SOCS5: variants seen among roughly 807,000 people sequenced by gnomAD.
SOCS5 encodes the protein suppressor of cytokine signaling 5, also known as CIS-6.
SOCS5 carries 32 observed loss-of-function variants against 42.8 expected under a neutral mutation model. The observed-to-expected ratio is 0.75, with a 90% CI of 0.56 to 1.01. SOCS5 has a LOEUF of 1.01. Ranked by LOEUF, SOCS5 falls within the 50% of genes least tolerant of loss-of-function variation. The pLI, the probability that SOCS5 is intolerant of heterozygous loss-of-function variation, is 0.00. For missense variants in SOCS5, 627 were observed against 653.0 expected, an observed-to-expected ratio of 0.96 and a Z score of 0.43; for synonymous variants, 283 against 229.6, an observed-to-expected ratio of 1.23 and a Z score of -2.10.
At chr2:46,740,783 C>A (rs1227696279) in intron 1 of SOCS5, among the ~76,000 whole-genome samples, 1 of 152,026 alleles carries the variant, frequency 6.6e-6, no homozygotes, top group Non-Finnish European at 1.5e-5. Flanking sequence ...GGAACCAGAC[C>A]CTTCTCAGTC....
chr2:46,740,424 A>C (rs1166819127), intron 1 of SOCS5, among the ~76,000 whole-genome samples: 1 of 152,250 alleles, frequency 6.6e-6, no homozygotes, highest in African/African-American at 2.4e-5. Flanking sequence ...CAGATAGACA[A>C]GGTGGAGTAC....
At chr2:46,747,051 G>A (rs1249958203) in intron 1 of SOCS5, among the ~76,000 whole-genome samples, 1 of 148,210 alleles carries the variant, frequency 6.7e-6, no homozygotes, top group Admixed American at 6.9e-5. Context: ...AGAACAGTTT[G>A]CATGGGCTGG....
At position 46,700,229 on chromosome 2, in the gene SOCS5, C is replaced by G. The variant is rs114021157; in HGVS notation, c.-13+780C>G. The stretch of plus-strand genomic sequence containing the variant: ...TGAAAGGCTTGAGGGATTGGAGTCA[C>G]AAGGAAATTTTGACATTTTCTTGTG... On this transcript the variant is annotated intron_variant, in intron 1 of 1. Transcript: ENST00000394861. Among the ~76,000 whole-genome samples the G allele has an allele frequency of 2.0e-5, 3 of 152,172 alleles. No homozygotes were observed. In the East Asian group the frequency reaches 5.8e-4, roughly 29 times the overall value.
intron 1 of SOCS5, among the ~76,000 whole-genome samples, chr2:46,740,530 AAGAG>A (rs1032540980): frequency 6.6e-6 from 1 of 152,240 alleles, no homozygotes; most frequent in Non-Finnish European, 1.5e-5. Context: ...TTGAAAAATC[AAGAG>A]AGAGATAGGA....
At chr2:46,745,819 T>C (rs1013786833) in intron 1 of SOCS5, among the ~76,000 whole-genome samples, 2 of 152,202 alleles carry the variant, frequency 1.3e-5, no homozygotes, top group African/African-American at 4.8e-5. Context: ...TTTCTTTGTC[T>C]TGGTCTTTAG....
At chr2:46,735,051 C>G (rs1239082314) in intron 1 of SOCS5, among the ~76,000 whole-genome samples, 2 of 152,184 alleles carry the variant, frequency 1.3e-5, no homozygotes, top group Admixed American at 6.5e-5. Context: ...TCATGATCAC[C>G]TTTTCTGCGA....
At chr2:46,713,754 C>T (rs866271579) in intron 1 of SOCS5, among the ~76,000 whole-genome samples, 11 of 151,828 alleles carry the variant, frequency 7.2e-5, no homozygotes, top group Admixed American at 1.3e-4. Flanking sequence ...CATTGATTTT[C>T]GAAACTCCTT....
chr2:46,731,981 G>C (rs1673133619), intron 1 of SOCS5, among the ~76,000 whole-genome samples: 1 of 152,196 alleles, frequency 6.6e-6, no homozygotes, highest in Admixed American at 6.5e-5. Flanking sequence ...TAAAATCTGA[G>C]GAAAAGTTAA....
Position 46,761,901 on chromosome 2 carries a change from A to G in SOCS5, c.*1760A>G, listed in dbSNP as rs1346136896. On this transcript the variant is annotated 3_prime_UTR_variant, in exon 2 of 2. Coordinates refer to ENST00000394861, the MANE Select transcript of SOCS5 (RefSeq NM_144949.3). ...AATAAACCTATTGATTTCTCTGCTT[A>G]TAAATGAAAGATTGAAACTATCCAA... 1 of 167,002 alleles carries G rather than the reference A, an allele frequency of 6.0e-6. No homozygotes were observed. Among genetic ancestry groups the G allele is most frequent in the Admixed American group, 6.5e-5 (1 of 15,278 alleles). The allele number at this position is 167,002 out of a possible 1,614,324, so 10.3% of individuals were successfully genotyped here.
At position 46,755,530 on chromosome 2, in the gene SOCS5, T is replaced by A. The variant is rs552804995; in HGVS notation, c.-12-2989T>A. On this transcript the variant is annotated intron_variant, in intron 1 of 1. Coordinates refer to ENST00000394861, the MANE Select transcript of SOCS5 (RefSeq NM_144949.3). ...CTTCCAAAAGCATTATAAAATCAGT[T>A]TTAAATTATTATTCCTTCGAGGAAA... 1.1e-3 allele frequency among the ~76,000 whole-genome samples: 163 copies of A among 152,326 alleles called. 1 individual carries two copies. Among genetic ancestry groups the A allele is most frequent in the African/African-American group, 3.7e-3 (153 of 41,594 alleles).
At chr2:46,727,355 C>T (rs937323701) in intron 1 of SOCS5, among the ~76,000 whole-genome samples, 1 of 152,090 alleles carries the variant, frequency 6.6e-6, no homozygotes, top group African/African-American at 2.4e-5. Context: ...GTGTTGGTGT[C>T]TGTTTATTGT....
Position 46,724,402 on chromosome 2 carries a change from A to G in SOCS5, c.-13+24953A>G, listed in dbSNP as rs1672949094. Among the ~76,000 whole-genome samples, 3 of 151,898 alleles carry G rather than the reference A, an allele frequency of 2.0e-5. No individual in the cohort carries two copies. The South Asian group carries it at 6.2e-4, about 31-fold the overall frequency. On this transcript the variant is annotated intron_variant, in intron 1 of 1. Transcript: ENST00000394861. ...ATTAAGCATGACGTTAGCTGTAGGCATGTCCTTTTATGTGATTTGGGTTTG... is the reference window on the plus strand; with the variant it reads ...ATTAAGCATGACGTTAGCTGTAGGCGTGTCCTTTTATGTGATTTGGGTTTG...
At chr2:46,734,855 C>G (rs982241592) in intron 1 of SOCS5, among the ~76,000 whole-genome samples, 9 of 152,312 alleles carry the variant, frequency 5.9e-5, no homozygotes, top group African/African-American at 1.9e-4. Context: ...TTGAGAGTCT[C>G]TCTCTTCCCC....
chr2:46,708,417 A>G (rs1362441148), intron 1 of SOCS5, among the ~76,000 whole-genome samples: 5 of 152,196 alleles, frequency 3.3e-5, no homozygotes, highest in African/African-American at 4.8e-5. Context: ...TGATACCACA[A>G]TATCAGTTGG....
intron 1 of SOCS5, among the ~76,000 whole-genome samples, chr2:46,746,513 T>C (rs556394516): frequency 6.6e-6 from 1 of 152,000 alleles, no homozygotes; most frequent in Non-Finnish European, 1.5e-5. Flanking sequence ...TAGCCAGGCG[T>C]GGTGGCGGAC....
Position 46,716,646 on chromosome 2 carries a change from A to G in SOCS5, c.-13+17197A>G, listed in dbSNP as rs564996000. Among the ~76,000 whole-genome samples the G allele has an allele frequency of 4.5e-4, 69 of 151,904 alleles. No homozygotes were observed. The South Asian group carries it at 6.9e-3, about 15-fold the overall frequency. ...GTGCACACCACCACACCCAGCTAAT[A>G]TTTTGACTTTTTTGTGCAGATAGGG... On this transcript the variant is annotated intron_variant, in intron 1 of 1. Coordinates refer to ENST00000394861, the MANE Select transcript of SOCS5 (RefSeq NM_144949.3).
Position 46,759,841 on chromosome 2 carries a change from T to C in SOCS5, c.1311T>C (p.Phe437=), listed in dbSNP as rs1673821672. Residue 437 remains phenylalanine (F), a synonymous_variant, in exon 2 of 2, where the codon TTT becomes TTC. Coordinates refer to ENST00000394861, the MANE Select transcript of SOCS5 (RefSeq NM_144949.3). ...HARIEQWNHN[F]SFDAHDPCVF... ...GAATTGAGCAGTGGAATCACAACTT[T>C]AGTTTCGACGCCCATGACCCGTGTG... 2 of 1,614,186 alleles carry C rather than the reference T, an allele frequency of 1.2e-6. No homozygotes were observed. Among genetic ancestry groups the C allele is most frequent in the East Asian group, 2.2e-5 (1 of 44,878 alleles).
intron 1 of SOCS5, among the ~76,000 whole-genome samples, chr2:46,734,649 G>C (rs72881398): frequency 0.015 from 2,355 of 151,960 alleles, 60 homozygotes; most frequent in African/African-American, 0.054. Flanking sequence ...AAATAATAAT[G>C]TACCCTTCTC....
rs1673902323 is a variant in SOCS5 at position 46,762,924 on chromosome 2, A to AAGACAAAGCTT, written c.*2783_*2784insAGACAAAGCTT. The AAGACAAAGCTT allele has an allele frequency of 6.0e-6, 1 of 167,046 alleles. No homozygotes were observed. The highest frequency in any genetic ancestry group is 6.5e-5 in the Admixed American group (1 of 15,270). The allele number at this position is 167,046 out of a possible 1,614,324, so 10.3% of individuals were successfully genotyped here. On this transcript the variant is annotated 3_prime_UTR_variant, in exon 2 of 2. Coordinates refer to ENST00000394861, the MANE Select transcript of SOCS5 (RefSeq NM_144949.3). ...CCGCATACATATAAGTGTGTATTAT[A>AAGACAAAGCTT]TATTTATGTATGCACATATATACAT... is the stretch of plus-strand genomic sequence containing the variant.
Sources: allele counts gnomAD v4.1 joint callset (sites outside exome capture counted in the v4.1 genomes callset), GRCh38; gene constraint gnomAD v4.1.1; transcripts MANE v1.5; gene names NCBI Gene and HGNC (gene_info 2026-07-23, HGNC 2026-07-21).